The following DMD variants were observed in gnomAD, a reference collection of about 807,000 sequenced individuals.
The protein encoded by DMD is mutant dystrophin.
In DMD, 63 loss-of-function variants were observed where a neutral mutation model predicts 330.1. The ratio of observed to expected loss-of-function variants is 0.19; its 90% CI spans 0.16 to 0.24. DMD has a LOEUF of 0.24. Among genes scored for constraint, DMD ranks in the 10% least tolerant of loss-of-function variants. The pLI, the probability that DMD is intolerant of heterozygous loss-of-function variation, is 1.00. For missense variants in DMD, 3,344 were observed against 2,684.1 expected (o/e 1.25, Z -5.43); for synonymous variants, 1,223 against 959.8 (o/e 1.27, Z -5.07).
rs536427289 is a variant in DMD, at chrX:32,772,467, A to T, written c.649+37026T>A. The stretch of plus-strand genomic sequence containing the variant: ...CTCTGTACTATATGAAGTATTTAAC[A>T]TACATTAACCCATTTATTATTAACC... On this transcript the variant is annotated intron_variant, in intron 7 of 78. Transcript: ENST00000357033. Among the ~76,000 whole-genome samples the T allele has an allele frequency of 8.9e-5, 10 of 112,641 alleles. No homozygotes were observed. In the East Asian group the frequency reaches 2.5e-3, roughly 28 times the overall value.
chrX:32,610,908 G>A lies in DMD; in HGVS notation c.1482+3395C>T, dbSNP rs577090129. On this transcript the variant is annotated intron_variant, in intron 12 of 78. Coordinates refer to ENST00000357033, the MANE Select transcript of DMD (RefSeq NM_004006.3). ...AAAAAAAGCTGCAAAGCGATTCAAC[G>A]ACTATATAAATAAGGCTTTAGTTTG... is the stretch of plus-strand genomic sequence containing the variant. 1.0e-3 allele frequency among the ~76,000 whole-genome samples: 114 copies of A among 110,920 alleles called. 5 individuals carry two copies. The South Asian group carries it at 0.035, about 34-fold the overall frequency.
intron 54 of DMD, among the ~76,000 whole-genome samples, chrX:31,632,121 A>AC (rs748082012): frequency 9.0e-6 from 1 of 110,948 alleles, no homozygotes; most frequent in Non-Finnish European, 1.9e-5. Flanking sequence ...TTAGAACCCT[A>AC]CTCCCGCCAC....
At chrX:32,340,578 A>C (rs183936301) in intron 41 of DMD, among the ~76,000 whole-genome samples, 297 of 111,759 alleles carry the variant, frequency 2.7e-3, no homozygotes, top group African/African-American at 9.0e-3. Context: ...ACGAATTTTA[A>C]ACCTGCATAT....
At chrX:33,187,377 A>C (rs889980609) in intron 1 of DMD, among the ~76,000 whole-genome samples, 3 of 112,723 alleles carry the variant, frequency 2.7e-5, no homozygotes, top group Non-Finnish European at 5.6e-5. Flanking sequence ...AATGATCTTA[A>C]GTGATAGTAA....
intron 48 of DMD, among the ~76,000 whole-genome samples, chrX:31,866,354 A>G (rs1237022905): frequency 9.0e-6 from 1 of 111,364 alleles, no homozygotes; most frequent in Non-Finnish European, 1.9e-5. Context: ...GAAAAAGCTA[A>G]TTGGAAACAG....
chrX:32,220,472 T>C (rs930643073), intron 43 of DMD, among the ~76,000 whole-genome samples: 1 of 111,204 alleles, frequency 9.0e-6, no homozygotes, highest in Non-Finnish European at 1.9e-5. Flanking sequence ...GTAATAATAC[T>C]TTAGACTCCA....
At chrX:31,205,065 A>G (rs2148551516) in intron 66 of DMD, among the ~76,000 whole-genome samples, 1 of 112,304 alleles carries the variant, frequency 8.9e-6, no homozygotes, top group Non-Finnish European at 1.9e-5. Context: ...CTACAGTAGA[A>G]TGGCAGTACC....
At chrX:32,959,149 TG>T (rs1401638903) in intron 2 of DMD, among the ~76,000 whole-genome samples, 1 of 112,524 alleles carries the variant, frequency 8.9e-6, no homozygotes, top group Non-Finnish European at 1.9e-5. Context: ...CACAGTTGAA[TG>T]TAACGTACTC....
intron 55 of DMD, among the ~76,000 whole-genome samples, chrX:31,624,702 T>C (rs2078744877): frequency 9.4e-6 from 1 of 106,246 alleles, no homozygotes; most frequent in Admixed American, 1.0e-4. Context: ...TCAAATTTCC[T>C]TTTTTTTTAA....
chrX:32,060,556 G>T (rs2096215753), intron 44 of DMD, among the ~76,000 whole-genome samples: 1 of 110,978 alleles, frequency 9.0e-6, no homozygotes, highest in Non-Finnish European at 1.9e-5. Flanking sequence ...TAATCTTTGA[G>T]ATATACAATA....
rs190950722 is a variant in DMD, at chrX:32,535,470, C to A, written c.2168+9689G>T. 4.0e-3 allele frequency among the ~76,000 whole-genome samples: 447 copies of A among 111,775 alleles called. 1 individual carries two copies. The highest frequency in any genetic ancestry group is 6.8e-3 in the Non-Finnish European group (363 of 53,139). On this transcript the variant is annotated intron_variant, in intron 17 of 78. Coordinates refer to ENST00000357033, the MANE Select transcript of DMD (RefSeq NM_004006.3). ...TAGAGCAGATGTATCTCTGCTGTGGCTTCTGTTTTCTCTGGATAGCTAGCT... is the reference window on the plus strand; with the variant it reads ...TAGAGCAGATGTATCTCTGCTGTGGATTCTGTTTTCTCTGGATAGCTAGCT...
At chrX:31,459,811 T>C (rs1248911812) in intron 59 of DMD, among the ~76,000 whole-genome samples, 1 of 111,879 alleles carries the variant, frequency 8.9e-6, no homozygotes, top group African/African-American at 3.2e-5. Context: ...AACAATGATA[T>C]GTGGACCAAT....
At chrX:31,724,926 A>G (rs1257300992) in intron 52 of DMD, among the ~76,000 whole-genome samples, 2 of 112,295 alleles carry the variant, frequency 1.8e-5, no homozygotes, top group Non-Finnish European at 3.8e-5. Context: ...TCTCCAACAC[A>G]TGTAAAAGAC....
chrX:33,181,178 G>A (rs1603394269), intron 1 of DMD, among the ~76,000 whole-genome samples: 2 of 111,223 alleles, frequency 1.8e-5, no homozygotes, highest in African/African-American at 6.5e-5. Context: ...CAGCACCTCA[G>A]TTGCCTCTTT....
intron 1 of DMD, among the ~76,000 whole-genome samples, chrX:33,039,660 A>C (rs1476498266): frequency 2.7e-5 from 3 of 111,173 alleles, no homozygotes; most frequent in Non-Finnish European, 5.7e-5. Flanking sequence ...CTTATCTACT[A>C]CGGCCTTTCT....
chrX:33,230,086 C>A (rs1267888025), intron 1 of DMD, among the ~76,000 whole-genome samples: 2 of 111,083 alleles, frequency 1.8e-5, no homozygotes, highest in Non-Finnish European at 3.8e-5. Context: ...GAAAAGAAAG[C>A]AGATTTTAAA....
chrX:31,178,207 T>C (rs1177839887), intron 70 of DMD: 1 of 752,237 alleles, frequency 1.3e-6, no homozygotes, highest in Non-Finnish European at 1.6e-6. Flanking sequence ...CCCTTTGATC[T>C]TGAGAATCAT....
intron 2 of DMD, among the ~76,000 whole-genome samples, chrX:32,952,525 A>C (rs985052555): frequency 5.5e-4 from 61 of 111,318 alleles, no homozygotes; most frequent in Middle Eastern, 4.7e-3. Context: ...TAACACGTCG[A>C]TTCTAAAAAT....
intron 55 of DMD, among the ~76,000 whole-genome samples, chrX:31,559,670 T>A: frequency 9.9e-6 from 1 of 100,531 alleles, no homozygotes; most frequent in Non-Finnish European, 2.0e-5. Context: ...AAAAAAGACT[T>A]CTTGGCTCTG....
Sources: allele counts gnomAD v4.1 joint callset (sites outside exome capture counted in the v4.1 genomes callset), GRCh38; gene constraint gnomAD v4.1.1; transcripts MANE v1.5; gene names NCBI Gene and HGNC (gene_info 2026-07-23, HGNC 2026-07-21).